UBE2F: variants seen among roughly 807,000 people sequenced by gnomAD.
UBE2F encodes ubiquitin conjugating enzyme E2 F (putative), also known as NEDD8-conjugating enzyme UBE2F.
In UBE2F, 5 loss-of-function variants were observed where a neutral mutation model predicts 29.6. The observed-to-expected ratio is 0.17, with a 90% CI of 0.09 to 0.36. The LOEUF (loss-of-function observed/expected upper bound fraction) is 0.36. UBE2F is among the 10% of genes least tolerant of loss of function. The pLI is 1.00. For missense variants in UBE2F, 141 were observed against 228.5 expected (o/e 0.62, Z 2.47); for synonymous variants, 66 against 81.8 (o/e 0.81, Z 1.04).
intron 5 of UBE2F, among the ~76,000 whole-genome samples, chr2:238,018,127 C>T (rs2064204505): frequency 6.6e-6 from 1 of 152,138 alleles, no homozygotes; most frequent in Non-Finnish European, 1.5e-5. Context: ...TCCATCCTTC[C>T]CAAACCACAC....
intron 1 of UBE2F, among the ~76,000 whole-genome samples, chr2:237,972,681 G>C (rs1006244653): frequency 2.0e-5 from 3 of 150,322 alleles, no homozygotes; most frequent in Non-Finnish European, 2.9e-5. Flanking sequence ...TTCCCGAGTA[G>C]CTGAGACTAC....
At chr2:237,972,637 A>G (rs1025214197) in intron 1 of UBE2F, among the ~76,000 whole-genome samples, 4 of 145,914 alleles carry the variant, frequency 2.7e-5, no homozygotes, top group East Asian at 2.0e-4. Flanking sequence ...GGTATCCCCA[A>G]TCTCCCAGGC....
intron 3 of UBE2F, among the ~76,000 whole-genome samples, chr2:237,993,172 G>GCC (rs2063623779): frequency 6.6e-6 from 1 of 152,038 alleles, no homozygotes; most frequent in Non-Finnish European, 1.5e-5. Flanking sequence ...ATTTTTAGTA[G>GCC]AGACGGGGTT....
chr2:237,987,468 G>T (rs1332382960), intron 2 of UBE2F, among the ~76,000 whole-genome samples: 1 of 152,210 alleles, frequency 6.6e-6, no homozygotes, highest in Admixed American at 6.5e-5. Flanking sequence ...CAGAGGGGGT[G>T]CTGGGCTTAA....
At chr2:238,003,588 G>C (rs866555343) in intron 4 of UBE2F, 3 of 281,218 alleles carry the variant, frequency 1.1e-5, no homozygotes, top group South Asian at 3.3e-5. Context: ...ACAGATTCTG[G>C]TGGTCTCCAG....
At chr2:237,994,059 T>C (rs1312590723) in intron 3 of UBE2F, among the ~76,000 whole-genome samples, 3 of 151,828 alleles carry the variant, frequency 2.0e-5, no homozygotes, top group African/African-American at 7.3e-5. Flanking sequence ...TGGTAAACTC[T>C]GGCTGGGTGG....
At chr2:237,988,964 C>T (rs11692068) in intron 3 of UBE2F, among the ~76,000 whole-genome samples, 130,771 of 152,252 alleles carry the variant, frequency 0.86, 56,320 homozygotes, top group East Asian at 0.97. Flanking sequence ...GGAAAGCTAT[C>T]TATCAGGCAG....
chr2:237,973,163 C>A lies in UBE2F; in HGVS notation c.56C>A (p.Thr19Lys), dbSNP rs777438337. The change falls in exon 2 of 10, where the codon ACG becomes AAG. Residue 19 changes from threonine (T) to lysine (K), a missense_variant. Thr to Lys is a moderately conservative substitution (Grantham distance 78, BLOSUM62 -1). Transcript: ENST00000272930. ...KRDDGLKGSR[T>K]AATASDSTRR... ...GACGATGGTCTCAAAGGGTCCCGGACGGCAGCCACAGCGTCCGACTCGACT... is the reference window on the plus strand; with the variant it reads ...GACGATGGTCTCAAAGGGTCCCGGAAGGCAGCCACAGCGTCCGACTCGACT... 5 of 1,613,894 alleles carry A rather than the reference C, an allele frequency of 3.1e-6. No individual in the cohort carries two copies. Among genetic ancestry groups the A allele is most frequent in the Non-Finnish European group, 4.2e-6 (5 of 1,179,950 alleles).
At chr2:237,980,613 CA>C (rs1340286682) in intron 2 of UBE2F, among the ~76,000 whole-genome samples, 15 of 152,308 alleles carry the variant, frequency 9.8e-5, no homozygotes, top group African/African-American at 3.6e-4. Flanking sequence ...GGCATAAATT[CA>C]GTCCACAGCG....
chr2:237,970,207 A>G (rs1219392531), intron 1 of UBE2F, among the ~76,000 whole-genome samples: 1 of 152,112 alleles, frequency 6.6e-6, no homozygotes, highest in East Asian at 1.9e-4. Flanking sequence ...TCTACAAAAA[A>G]AATTAAAATT....
intron 2 of UBE2F, among the ~76,000 whole-genome samples, chr2:237,987,684 A>G (rs2063507222): frequency 6.6e-6 from 1 of 152,192 alleles, no homozygotes; most frequent in Admixed American, 6.5e-5. Flanking sequence ...GTGACTGGCT[A>G]CCTATAGGTC....
chr2:237,999,638 G>C (rs2063752930), intron 4 of UBE2F, among the ~76,000 whole-genome samples: 1 of 152,096 alleles, frequency 6.6e-6, no homozygotes, highest in South Asian at 2.1e-4. Context: ...TTTCTTCATT[G>C]AATTACCTTG....
chr2:237,968,251 G>T (rs1399105924), intron 1 of UBE2F, among the ~76,000 whole-genome samples: 1 of 152,144 alleles, frequency 6.6e-6, no homozygotes, highest in East Asian at 1.9e-4. Flanking sequence ...GTGCTGTGGG[G>T]CTTGAGGACC....
At chr2:238,017,526 G>A (rs190194633) in intron 5 of UBE2F, among the ~76,000 whole-genome samples, 3 of 152,252 alleles carry the variant, frequency 2.0e-5, no homozygotes, top group Admixed American at 6.5e-5. Context: ...GGGCATTTTC[G>A]ATTTGGCAGT....
intron 9 of UBE2F, among the ~76,000 whole-genome samples, chr2:238,036,307 A>G (rs1286777986): frequency 1.3e-5 from 2 of 152,050 alleles, no homozygotes; most frequent in Non-Finnish European, 2.9e-5. Flanking sequence ...TGAAGTAGCT[A>G]GGACTACAGG....
intron 9 of UBE2F, among the ~76,000 whole-genome samples, chr2:238,037,367 TGAG>T (rs1235912765): frequency 6.6e-6 from 1 of 152,198 alleles, no homozygotes; most frequent in Non-Finnish European, 1.5e-5. Context: ...ATACAAGCCT[TGAG>T]GAGGGGAAGT....
intron 1 of UBE2F, chr2:237,969,019 A>G (rs2063117112): frequency 5.8e-6 from 1 of 172,884 alleles, no homozygotes; most frequent in South Asian, 1.9e-4. Context: ...CCTTGGGTTT[A>G]TTCTTAAAGT....
chr2:237,993,049 G>A (rs777674204), intron 3 of UBE2F, among the ~76,000 whole-genome samples: 28 of 151,236 alleles, frequency 1.9e-4, no homozygotes, highest in Middle Eastern at 3.4e-3. Context: ...GGGCAGTGGC[G>A]TGATCTCAGC....
At chr2:238,014,764 C>T (rs1442362480) in intron 4 of UBE2F, among the ~76,000 whole-genome samples, 1 of 152,004 alleles carries the variant, frequency 6.6e-6, no homozygotes, top group African/African-American at 2.4e-5. Flanking sequence ...TGGTCAATAT[C>T]ACAATACATG....
Sources: allele counts gnomAD v4.1 joint callset (sites outside exome capture counted in the v4.1 genomes callset), GRCh38; gene constraint gnomAD v4.1.1; transcripts MANE v1.5; gene names NCBI Gene and HGNC (gene_info 2026-07-23, HGNC 2026-07-21).